Variants in BICRA observed in about 807,000 individuals in gnomAD.
BICRA encodes the protein BRD4-interacting chromatin-remodeling complex-associated protein.
In BICRA, 31 loss-of-function variants were observed where a neutral mutation model predicts 96.9. The ratio of observed to expected loss-of-function variants is 0.32; its 90% CI spans 0.24 to 0.43. BICRA has a LOEUF of 0.43. Among genes scored for constraint, BICRA ranks in the 20% least tolerant of loss-of-function variants. The pLI is 1.00. For missense variants in BICRA, 2,283 were observed against 2,190.3 expected, an observed-to-expected ratio of 1.04 and a Z score of -0.84; for synonymous variants, 1,350 against 1,071.8, an observed-to-expected ratio of 1.26 and a Z score of -5.07.
In BICRA at chr19:47,675,792, C is replaced by T. The variant is rs535468457; in HGVS notation, c.85-59C>T. 3 of 1,377,240 alleles carry T rather than the reference C, an allele frequency of 2.2e-6. No homozygotes were observed. In the African/African-American group the frequency reaches 4.3e-5, roughly 20 times the overall value. The allele number at this position is 1,377,240 out of a possible 1,614,324, so 85.3% of individuals were successfully genotyped here. On this transcript the variant is annotated intron_variant, in intron 4 of 14. Coordinates refer to ENST00000594866, the MANE Select transcript of BICRA (RefSeq NM_001394372.1). The surrounding 1 kb of genome is among the most constrained non-coding windows in gnomAD (Gnocchi z 4.7). ...GAGTGACCCTAAATTGGTTTCTGCT[C>T]CAGAGCATGGGCCTGCCCTGCTGAC...
chr19:47,695,883 A>G (rs905356657), intron 10 of BICRA, among the ~76,000 whole-genome samples: 6 of 151,500 alleles, frequency 4.0e-5, no homozygotes, highest in African/African-American at 1.5e-4. Flanking sequence ...AAAGGGTGAG[A>G]GGGTGGGGAC....
At chr19:47,672,497 G>T (rs1485778264) in intron 2 of BICRA, among the ~76,000 whole-genome samples, 1 of 151,856 alleles carries the variant, frequency 6.6e-6, no homozygotes, top group Non-Finnish European at 1.5e-5. Context: ...GAAAGAGGAA[G>T]CTTTGGAGGG....
Position 47,694,185 on chromosome 19 carries a change from T to TG in BICRA, c.2359dup (p.Asp787GlyfsTer84). On this transcript the variant is annotated frameshift_variant, in exon 8 of 15. Coordinates refer to ENST00000594866, the MANE Select transcript of BICRA (RefSeq NM_001394372.1). LOFTEE classifies it high-confidence loss of function. Reference sequence around the variant, plus strand: ...CCGTCACTACCTCACCAGGCCCCTCTGGGGGACAGCCCCCACCTGCCCTCC... The same window carrying TG: ...CCGTCACTACCTCACCAGGCCCCTCTGGGGGGACAGCCCCCACCTGCCCTCC... 6.9e-7 allele frequency: 1 copy of TG among 1,445,150 alleles called. No individual in the cohort carries two copies. The highest frequency in any genetic ancestry group is 9.2e-7 in the Non-Finnish European group (1 of 1,084,690). The allele number at this position is 1,445,150 out of a possible 1,614,324, so 89.5% of individuals were successfully genotyped here. A position where few individuals can be genotyped will look rare whatever the true frequency, so the allele number is the denominator to read the frequency against.
Position 47,680,596 on chromosome 19 carries a change from G to A in BICRA, c.1426G>A (p.Gly476Ser). The A allele has an allele frequency of 6.2e-7, 1 of 1,608,678 alleles. No individual in the cohort carries two copies. The highest frequency in any genetic ancestry group is 8.5e-7 in the Non-Finnish European group (1 of 1,178,360). The change falls in exon 6 of 15, where the codon GGC becomes AGC. Residue 476 changes from glycine to serine, a missense_variant. Physicochemically the swap from Gly to Ser is moderately conservative, Grantham distance 56. Transcript: ENST00000594866. Reference protein sequence around the residue: ...LPGQNQFLLPGAPAVQLPQQL... With the variant: ...LPGQNQFLLPSAPAVQLPQQL... ...GGGCCAGAACCAGTTCCTACTGCCT[G>A]GCGCCCCGGCGGTCCAGCTCCCGCA...
At chr19:47,679,269 G>A (rs1307349904) in intron 5 of BICRA, 52 bp from the exon 6 acceptor site, 75 of 1,355,620 alleles carry the variant, frequency 5.5e-5, no homozygotes, top group South Asian at 1.1e-4. Context: ...TGGCCTAAGC[G>A]TAGCCCCTTG....
In BICRA at chr19:47,694,360, T is replaced by TC; in HGVS notation, c.2534dup (p.Pro846AlafsTer25). On this transcript the variant is annotated frameshift_variant, in exon 8 of 15. Coordinates refer to ENST00000594866, the MANE Select transcript of BICRA (RefSeq NM_001394372.1). LOFTEE classifies it high-confidence loss of function. ...TTGTCATCCAAAACCAGCTAGGCGT[T>TC]CCCCCGCCTGCCAGCAACCCGGCCC... The TC allele has an allele frequency of 4.2e-6, 5 of 1,193,922 alleles. No homozygotes were observed. Among genetic ancestry groups the TC allele is most frequent in the Non-Finnish European group, 5.8e-6 (5 of 858,182 alleles). The allele number at this position is 1,193,922 out of a possible 1,614,324, so 74.0% of individuals were successfully genotyped here.
At chr19:47,627,735 C>T (rs1401808393) in intron 1 of BICRA, among the ~76,000 whole-genome samples, 7 of 152,020 alleles carry the variant, frequency 4.6e-5, no homozygotes, top group African/African-American at 1.4e-4. Flanking sequence ...AAATGCCTAC[C>T]GAGTAGGATG....
chr19:47,632,747 C>T (rs1188429687), intron 1 of BICRA, among the ~76,000 whole-genome samples: 1 of 152,170 alleles, frequency 6.6e-6, no homozygotes, highest in Non-Finnish European at 1.5e-5. Flanking sequence ...ACCAAATGAT[C>T]AGCACGGTGG....
At chr19:47,615,345 C>T (rs867999698) in intron 1 of BICRA, among the ~76,000 whole-genome samples, 8 of 152,234 alleles carry the variant, frequency 5.3e-5, no homozygotes, top group Non-Finnish European at 1.0e-4. Context: ...TCCCACCTGT[C>T]GCCCAGGCAG....
chr19:47,624,351 G>A (rs999965947), intron 1 of BICRA, among the ~76,000 whole-genome samples: 2 of 152,108 alleles, frequency 1.3e-5, no homozygotes, highest in Non-Finnish European at 2.9e-5. Flanking sequence ...GAGCAGGCAG[G>A]TTAGGTTCTA....
At chr19:47,697,371 C>T (rs893793748) in intron 11 of BICRA, among the ~76,000 whole-genome samples, 27 of 151,574 alleles carry the variant, frequency 1.8e-4, no homozygotes, top group Admixed American at 1.2e-3. Flanking sequence ...TCAGCCCAGG[C>T]GACAGAGCAA....
At chr19:47,684,064 C>CT (rs1336877055) in intron 7 of BICRA, among the ~76,000 whole-genome samples, 13 of 152,212 alleles carry the variant, frequency 8.5e-5, no homozygotes, top group Admixed American at 8.5e-4. Context: ...CTTCAGCAAC[C>CT]AGTTTTTCAT....
chr19:47,650,490 C>T (rs1288858602), intron 1 of BICRA, among the ~76,000 whole-genome samples: 1 of 152,184 alleles, frequency 6.6e-6, no homozygotes, highest in African/African-American at 2.4e-5. Context: ...CTCCTGACCT[C>T]AAGTGATTCT....
chr19:47,686,874 G>T (rs1468377136), intron 7 of BICRA, among the ~76,000 whole-genome samples: 3 of 152,212 alleles, frequency 2.0e-5, no homozygotes, highest in African/African-American at 7.2e-5. Flanking sequence ...CCTTCAGCAG[G>T]CTGCTTGCCT....
intron 1 of BICRA, among the ~76,000 whole-genome samples, chr19:47,631,443 G>A (rs966070199): frequency 6.6e-6 from 1 of 152,106 alleles, no homozygotes; most frequent in Non-Finnish European, 1.5e-5. Flanking sequence ...GGTCAGGCTG[G>A]TCTCGAACTC....
chr19:47,617,175 T>C lies in BICRA; in HGVS notation c.-108+8007T>C, dbSNP rs189244263. Among the ~76,000 whole-genome samples, 269 of 152,274 alleles carry C rather than the reference T, an allele frequency of 1.8e-3. 2 individuals carry two copies. The highest frequency in any genetic ancestry group is 6.1e-3 in the African/African-American group (252 of 41,574). ...TTATTTTATAGAGACAAGGTCTTGC[T>C]ATATTGCTCAGGCTGGTCTCCAACT... On this transcript the variant is annotated intron_variant, in intron 1 of 14. Coordinates refer to ENST00000594866, the MANE Select transcript of BICRA (RefSeq NM_001394372.1).
intron 1 of BICRA, among the ~76,000 whole-genome samples, chr19:47,625,405 G>A (rs955894669): frequency 5.9e-5 from 9 of 151,344 alleles, no homozygotes; most frequent in African/African-American, 2.2e-4. Flanking sequence ...GCCACATCTC[G>A]CAGGTCTCTG....
Position 47,675,108 on chromosome 19 carries a change from T to C in BICRA, c.85-743T>C, listed in dbSNP as rs892662292. ...ACTAGACTTGCTGGTGGACTCGATGTTGAGGGGGAGAGAGTGTCCACCATG... is the reference window on the plus strand; with the variant it reads ...ACTAGACTTGCTGGTGGACTCGATGCTGAGGGGGAGAGAGTGTCCACCATG... On this transcript the variant is annotated intron_variant, in intron 4 of 14. Transcript: ENST00000594866. This position sits in a 1 kb window ranked among gnomAD's most constrained non-coding sequence, Gnocchi z 4.7. Among the ~76,000 whole-genome samples, 1 of 152,024 alleles carries C rather than the reference T, an allele frequency of 6.6e-6. No individual in the cohort carries two copies. The highest frequency in any genetic ancestry group is 1.5e-5 in the Non-Finnish European group (1 of 68,004).
chr19:47,635,054 T>G (rs976968713), intron 1 of BICRA, among the ~76,000 whole-genome samples: 5 of 151,242 alleles, frequency 3.3e-5, no homozygotes, highest in African/African-American at 4.9e-5. Context: ...GAGCCACCGC[T>G]CCTGGCCACA....
Sources: allele counts gnomAD v4.1 joint callset (sites outside exome capture counted in the v4.1 genomes callset), GRCh38; gene constraint gnomAD v4.1.1; non-coding constraint Gnocchi (gnomAD v3.1); transcripts MANE v1.5; gene names NCBI Gene and HGNC (gene_info 2026-07-23, HGNC 2026-07-21).